Variants in TOX2 observed in about 807,000 individuals in gnomAD.
The protein encoded by TOX2 is granulosa cell HMG box 1.
A neutral mutation model predicts 47.4 loss-of-function variants in TOX2; 15 were observed. That is an observed-to-expected ratio of 0.32 (90% confidence interval 0.21 to 0.49). The LOEUF (loss-of-function observed/expected upper bound fraction) is 0.49. TOX2 is among the 20% of genes least tolerant of loss of function. The pLI is 0.99. For missense variants in TOX2, 622 were observed against 673.1 expected, an observed-to-expected ratio of 0.92 and a Z score of 0.84; for synonymous variants, 290 against 296.6, an observed-to-expected ratio of 0.98 and a Z score of 0.23.
In TOX2 at chr20:44,051,473, G is replaced by T. The variant is rs936544761; in HGVS notation, c.579G>T (p.Pro193=). The T allele has an allele frequency of 1.2e-6, 2 of 1,613,426 alleles. No individual in the cohort carries two copies. Among genetic ancestry groups the T allele is most frequent in the East Asian group, 2.2e-5 (1 of 44,828 alleles). The change falls in exon 4 of 9, where the codon CCG becomes CCT. Residue 193 remains proline, a synonymous_variant. Transcript: ENST00000341197. ...RSSIAHSSPS[P]PGSKSATPSP... is the part of the protein sequence containing the mutation. ...GCATCGCCCACAGCTCCCCATCACC[G>T]CCGGGGAGCAAGTCAGCGACCCCCT...
chr20:44,002,064 CCG>C (rs2070592955), intron 2 of TOX2, among the ~76,000 whole-genome samples: 1 of 152,140 alleles, frequency 6.6e-6, no homozygotes, highest in African/African-American at 2.4e-5. Context: ...GGGCTGGGGG[CCG>C]ATTGCCTTTA....
At chr20:43,958,507 A>G (rs1419979555) in intron 1 of TOX2, among the ~76,000 whole-genome samples, 1 of 152,064 alleles carries the variant, frequency 6.6e-6, no homozygotes, top group Admixed American at 6.6e-5. Context: ...CACCTGGCCT[A>G]TCTCCACCTT....
At chr20:43,945,658 G>A in intron 1 of TOX2, 2 of 453,068 alleles carry the variant, frequency 4.4e-6, no homozygotes, top group East Asian at 9.3e-5. Context: ...GCTGTACTTA[G>A]GGGCTGCCTC....
intron 3 of TOX2, among the ~76,000 whole-genome samples, chr20:44,015,607 C>T (rs188176006): frequency 1.1e-3 from 160 of 152,220 alleles, no homozygotes; most frequent in Admixed American, 1.8e-3. Flanking sequence ...AATAGATGAC[C>T]GATAAGGAAA....
At chr20:43,984,111 G>A (rs1019995918) in intron 2 of TOX2, among the ~76,000 whole-genome samples, 1 of 152,170 alleles carries the variant, frequency 6.6e-6, no homozygotes, top group Non-Finnish European at 1.5e-5. Flanking sequence ...TGCGGAGAAG[G>A]TAACAGCGGT....
At chr20:44,015,866 A>T (rs531023277) in intron 3 of TOX2, among the ~76,000 whole-genome samples, 2 of 152,124 alleles carry the variant, frequency 1.3e-5, no homozygotes, top group Non-Finnish European at 2.9e-5. Flanking sequence ...TTTAGTTTAA[A>T]AATGGTTTTT....
At chr20:44,024,489 T>C (rs1247261823) in intron 3 of TOX2, among the ~76,000 whole-genome samples, 8 of 152,188 alleles carry the variant, frequency 5.3e-5, no homozygotes, top group Admixed American at 5.2e-4. Flanking sequence ...TTATTGTTTA[T>C]TGTTTAATAA....
chr20:43,934,684 G>A (rs900966103), intron 1 of TOX2, among the ~76,000 whole-genome samples: 7 of 152,150 alleles, frequency 4.6e-5, no homozygotes, highest in Non-Finnish European at 8.8e-5. Context: ...TGGGGCAGGC[G>A]TGATGGTGCA....
chr20:43,956,005 C>T (rs766676581), intron 1 of TOX2, among the ~76,000 whole-genome samples: 18 of 149,506 alleles, frequency 1.2e-4, no homozygotes, highest in Non-Finnish European at 2.2e-4. Context: ...TATCTTGCAC[C>T]GCCTTACTAT....
chr20:43,916,075 C>G lies in TOX2; in HGVS notation c.99+1085C>G. ...TTAGGAAGCCAGACTGTCCGCGCGT[C>G]CGCCAGTCGGTGCGTCGGTCCCGGG... On this transcript the variant is annotated intron_variant, in intron 1 of 8. Transcript: ENST00000341197. This position sits in a 1 kb window ranked among gnomAD's most constrained non-coding sequence, Gnocchi z 5.0. 1.0e-6 allele frequency: 1 copy of G among 968,804 alleles called. No individual in the cohort carries two copies. The highest frequency in any genetic ancestry group is 1.2e-6 in the Non-Finnish European group (1 of 814,844). The allele number at this position is 968,804 out of a possible 1,614,324, so 60.0% of individuals were successfully genotyped here. A position where few individuals can be genotyped will look rare whatever the true frequency, so the allele number is the denominator to read the frequency against.
chr20:44,023,761 T>G (rs1409966159), intron 3 of TOX2, among the ~76,000 whole-genome samples: 1 of 152,244 alleles, frequency 6.6e-6, no homozygotes, highest in Non-Finnish European at 1.5e-5. Context: ...AGTCCCACAT[T>G]TTGGTGGCCA....
chr20:43,971,157 C>G (rs1358805050), intron 1 of TOX2, among the ~76,000 whole-genome samples: 1 of 152,166 alleles, frequency 6.6e-6, no homozygotes, highest in Non-Finnish European at 1.5e-5. Context: ...TTTACTTATT[C>G]AACAAACATT....
intron 2 of TOX2, among the ~76,000 whole-genome samples, chr20:44,006,091 G>A (rs1375018366): frequency 2.0e-5 from 3 of 152,200 alleles, no homozygotes; most frequent in African/African-American, 7.2e-5. Flanking sequence ...AGAGAAAATG[G>A]CCTGGCTTCC....
chr20:43,988,260 A>G (rs965144810), intron 2 of TOX2, among the ~76,000 whole-genome samples: 1 of 152,134 alleles, frequency 6.6e-6, no homozygotes, highest in South Asian at 2.1e-4. Context: ...GTGTGTGTGT[A>G]TGTGTGGTTT....
intron 1 of TOX2, among the ~76,000 whole-genome samples, chr20:43,925,089 T>C (rs2069150480): frequency 6.6e-6 from 1 of 152,264 alleles, no homozygotes; most frequent in Non-Finnish European, 1.5e-5. Context: ...ATCTTGAATC[T>C]CTTTGAAGAT....
At chr20:43,933,324 G>C (rs956198374) in intron 1 of TOX2, among the ~76,000 whole-genome samples, 1 of 152,218 alleles carries the variant, frequency 6.6e-6, no homozygotes, top group East Asian at 1.9e-4. Context: ...TTAATACCCA[G>C]GTTAGTTGGC....
intron 2 of TOX2, among the ~76,000 whole-genome samples, chr20:43,999,454 A>G (rs1466795684): frequency 6.6e-6 from 1 of 152,212 alleles, no homozygotes; most frequent in Non-Finnish European, 1.5e-5. Flanking sequence ...CAACCCATAA[A>G]GGAAACTAAA....
intron 2 of TOX2, among the ~76,000 whole-genome samples, chr20:43,990,115 G>A (rs1339083229): frequency 6.6e-6 from 1 of 152,120 alleles, no homozygotes; most frequent in East Asian, 1.9e-4. Flanking sequence ...AATAACACCT[G>A]CCTCATAGAG....
At chr20:44,014,751 A>G (rs1042410340) in intron 3 of TOX2, among the ~76,000 whole-genome samples, 1 of 152,108 alleles carries the variant, frequency 6.6e-6, no homozygotes, top group Non-Finnish European at 1.5e-5. Flanking sequence ...TACTTTAACC[A>G]CTTTATTGAC....
Sources: allele counts gnomAD v4.1 joint callset (sites outside exome capture counted in the v4.1 genomes callset), GRCh38; gene constraint gnomAD v4.1.1; non-coding constraint Gnocchi (gnomAD v3.1); transcripts MANE v1.5; gene names NCBI Gene and HGNC (gene_info 2026-07-23, HGNC 2026-07-21).